The following PPP5C variants were observed in gnomAD, a reference collection of about 807,000 sequenced individuals.
PPP5C encodes the protein serine/threonine-protein phosphatase 5.
PPP5C carries 21 observed loss-of-function variants against 66.7 expected under a neutral mutation model. The observed-to-expected ratio is 0.31, with a 90% CI of 0.22 to 0.45. PPP5C has a LOEUF of 0.45. Ranked by LOEUF, PPP5C falls within the 20% of genes least tolerant of loss-of-function variation. The pLI, the probability that PPP5C is intolerant of heterozygous loss-of-function variation, is 1.00. For missense variants in PPP5C, 464 were observed against 675.9 expected (o/e 0.69, Z 3.48); for synonymous variants, 246 against 257.4 (o/e 0.96, Z 0.43).
At chr19:46,358,925 C>T (rs550889592) in intron 2 of PPP5C, among the ~76,000 whole-genome samples, 88 of 152,230 alleles carry the variant, frequency 5.8e-4, no homozygotes, top group African/African-American at 2.0e-3. Context: ...GAGTTTTTCT[C>T]AAGATGGGGA....
intron 2 of PPP5C, among the ~76,000 whole-genome samples, chr19:46,364,878 C>T (rs1405269065): frequency 2.7e-5 from 4 of 150,858 alleles, no homozygotes; most frequent in African/African-American, 4.9e-5. Context: ...TGCAGGATGG[C>T]GCTCCATAGG....
At chr19:46,348,255 A>G (rs1186898660) in intron 1 of PPP5C, among the ~76,000 whole-genome samples, 1 of 151,160 alleles carries the variant, frequency 6.6e-6, no homozygotes, top group Non-Finnish European at 1.5e-5. Flanking sequence ...AGATTAGGAC[A>G]GAGGCCAGAT....
intron 1 of PPP5C, among the ~76,000 whole-genome samples, 199 bp downstream of exon 1, chr19:46,347,416 G>A (rs1218109227): frequency 6.6e-6 from 1 of 152,144 alleles, no homozygotes; most frequent in Non-Finnish European, 1.5e-5. Context: ...AGTGGCGTGC[G>A]GAGCGGGTGC....
rs1032633291 is a variant in PPP5C at position 46,365,310 on chromosome 19, G to T, written c.364-10294G>T. ...TGTTTGTGTTTTTAGTAGAGGCGGG[G>T]TTTCACGATGTTGGCTAGGCTGGTT... On this transcript the variant is annotated intron_variant, in intron 2 of 12. Coordinates refer to ENST00000012443, the MANE Select transcript of PPP5C (RefSeq NM_006247.4). Among the ~76,000 whole-genome samples, 6 of 151,240 alleles carry T rather than the reference G, an allele frequency of 4.0e-5. No homozygotes were observed. The East Asian group carries it at 1.2e-3, about 29-fold the overall frequency.
chr19:46,351,480 C>T (rs983091289), intron 1 of PPP5C, among the ~76,000 whole-genome samples: 5 of 152,366 alleles, frequency 3.3e-5, no homozygotes, highest in Middle Eastern at 3.4e-3. Context: ...AAAATCCTCA[C>T]GGCCACCCAG....
intron 6 of PPP5C, chr19:46,384,132 G>C: frequency 1.9e-6 from 1 of 512,890 alleles, no homozygotes; most frequent in East Asian, 3.2e-5. Flanking sequence ...TCTGGGTCTT[G>C]GCTTGTCTTC....
chr19:46,377,672 A>T (rs749999075), intron 4 of PPP5C, among the ~76,000 whole-genome samples: 8 of 152,188 alleles, frequency 5.3e-5, no homozygotes, highest in Non-Finnish European at 1.0e-4. Flanking sequence ...CTCCCATCCC[A>T]GGGGCAACCA....
intron 1 of PPP5C, among the ~76,000 whole-genome samples, chr19:46,352,851 C>G (rs1972214393): frequency 2.0e-5 from 3 of 151,682 alleles, no homozygotes. Flanking sequence ...GCCCACTTGT[C>G]ACCTGCTGTG....
intron 2 of PPP5C, among the ~76,000 whole-genome samples, chr19:46,357,851 T>A (rs1221269920): frequency 2.0e-5 from 3 of 152,216 alleles, no homozygotes; most frequent in Non-Finnish European, 4.4e-5. Flanking sequence ...ATTCAGAAGC[T>A]CCCTGGACCC....
chr19:46,347,279 G>A, intron 1 of PPP5C, 62 bp downstream of exon 1: 4 of 1,518,960 alleles, frequency 2.6e-6, no homozygotes, highest in Non-Finnish European at 2.7e-6. Flanking sequence ...GGGCCCGCGC[G>A]GAACCATAGC....
rs1156419988 is a variant in PPP5C, at chr19:46,388,575, G to A, written c.1199G>A (p.Arg400Gln). 2.5e-6 allele frequency: 4 copies of A among 1,613,968 alleles called. No individual in the cohort carries two copies. The highest frequency in any genetic ancestry group is 3.4e-6 in the Non-Finnish European group (4 of 1,179,974). ...CAGAACGGGCGCTCGATCAGCAAGC[G>A]GGGCGTGAGCTGTCAGTTTGGGCCT... ...QPQNGRSISK[R>Q]GVSCQFGPDV... is the part of the protein sequence containing the mutation. Residue 400 changes from arginine (R) to glutamine (Q), a missense_variant, in exon 11 of 13, where the codon CGG (arginine) becomes CAG (glutamine). By Grantham distance (43) the Arg-to-Gln change is conservative. Coordinates refer to ENST00000012443, the MANE Select transcript of PPP5C (RefSeq NM_006247.4). This position sits in a 1 kb window ranked among gnomAD's most constrained non-coding sequence, Gnocchi z 4.9.
chr19:46,379,894 G>A (rs532757055), intron 4 of PPP5C, among the ~76,000 whole-genome samples: 1 of 152,220 alleles, frequency 6.6e-6, no homozygotes, highest in Non-Finnish European at 1.5e-5. Context: ...ATTTTTTGTG[G>A]GGCTTAATCA....
chr19:46,359,711 T>C (rs2147369036), intron 2 of PPP5C, among the ~76,000 whole-genome samples: 1 of 152,168 alleles, frequency 6.6e-6, no homozygotes, highest in Middle Eastern at 3.4e-3. Flanking sequence ...ACAGCAAGAT[T>C]AGTGACTGAC....
intron 2 of PPP5C, among the ~76,000 whole-genome samples, chr19:46,356,510 C>T (rs1352298671): frequency 1.3e-5 from 2 of 152,230 alleles, no homozygotes; most frequent in East Asian, 3.9e-4. Flanking sequence ...GCGGTCTGCT[C>T]ACTCTGGGCC....
In PPP5C at chr19:46,388,059, G is replaced by A. The variant is rs368064905; in HGVS notation, c.1136-349G>A. On this transcript the variant is annotated intron_variant, in intron 9 of 12. Transcript: ENST00000012443. This position sits in a 1 kb window ranked among gnomAD's most constrained non-coding sequence, Gnocchi z 4.9. ...GTTCACTGGGCCCAAATCCTATGGCGCTTTACAGGCCCCAGTGAGGAACTT... is the reference window on the plus strand; with the variant it reads ...GTTCACTGGGCCCAAATCCTATGGCACTTTACAGGCCCCAGTGAGGAACTT... The A allele has an allele frequency of 1.0e-3, 313 of 310,966 alleles. 1 individual carries two copies. Among genetic ancestry groups the A allele is most frequent in the Middle Eastern group, 9.7e-3 (10 of 1,032 alleles). 19.3% of individuals were successfully genotyped at this position (310,966 alleles called of 1,614,324 possible).
In PPP5C at chr19:46,388,386, T is replaced by C. The variant is rs747078417; in HGVS notation, c.1136-22T>C. ...CCCGGGGAGGTGGACGAGTCCCTAATGTTTCCCTCGCTCCCCACCAGGGCC... is the reference window on the plus strand; with the variant it reads ...CCCGGGGAGGTGGACGAGTCCCTAACGTTTCCCTCGCTCCCCACCAGGGCC... On this transcript the variant is annotated intron_variant, in intron 9 of 12. Transcript: ENST00000012443. This position sits in a 1 kb window ranked among gnomAD's most constrained non-coding sequence, Gnocchi z 4.9. The C allele has an allele frequency of 7.3e-5, 117 of 1,606,220 alleles. No homozygotes were observed. The highest frequency in any genetic ancestry group is 9.0e-5 in the Non-Finnish European group (106 of 1,174,930).
At chr19:46,357,109 C>A (rs186694370) in intron 2 of PPP5C, among the ~76,000 whole-genome samples, 2 of 152,254 alleles carry the variant, frequency 1.3e-5, no homozygotes, top group Non-Finnish European at 2.9e-5. Context: ...TGCAGTGGCA[C>A]AAATCTTGGC....
chr19:46,375,131 A>G (rs1355376159), intron 2 of PPP5C, among the ~76,000 whole-genome samples: 1 of 152,182 alleles, frequency 6.6e-6, no homozygotes, highest in Non-Finnish European at 1.5e-5. Flanking sequence ...GTTAGAGATT[A>G]GGTAACCTGG....
intron 1 of PPP5C, 91 bp from the exon 2 acceptor site, chr19:46,353,657 C>T (rs944168403): frequency 2.4e-5 from 38 of 1,559,878 alleles, no homozygotes; most frequent in Non-Finnish European, 3.3e-5. Context: ...GCTTCCCCAT[C>T]TGTGAACAGG....
Sources: gnomAD v4.1 joint callset for allele counts (sites outside exome capture counted in the v4.1 genomes callset) on GRCh38, gnomAD v4.1.1 for gene constraint, Gnocchi (gnomAD v3.1) non-coding constraint, MANE v1.5 for transcripts, NCBI Gene and HGNC (gene_info 2026-07-23, HGNC 2026-07-21) for gene names.